Variants in CA8 observed in about 807,000 individuals in gnomAD.
CA8 encodes carbonic anhydrase 8 (inactive).
Under a neutral mutation model 41.4 loss-of-function variants are expected in CA8, and 22 were observed. That is an observed-to-expected ratio of 0.53 (90% CI 0.38 to 0.76). CA8 has a LOEUF of 0.76. CA8 is among the 30% of genes least tolerant of loss of function. CA8 has a pLI of 0.00. For synonymous variants in CA8, 121 were observed against 130.6 expected, an observed-to-expected ratio of 0.93 and a Z score of 0.50; for missense variants, 270 against 352.8, an observed-to-expected ratio of 0.77 and a Z score of 1.88.
At chr8:60,280,920 A>AC in intron 1 of CA8, 128 bp downstream of exon 1, 1 of 720,802 alleles carries the variant, frequency 1.4e-6, no homozygotes, top group South Asian at 1.5e-5. Flanking sequence ...AGTGGCAGAG[A>AC]CCCCCGTGGG....
At chr8:60,215,329 A>C (rs747772011) in intron 7 of CA8, among the ~76,000 whole-genome samples, 25 of 148,788 alleles carry the variant, frequency 1.7e-4, no homozygotes, top group Non-Finnish European at 3.1e-4. Flanking sequence ...CAATGAGTGG[A>C]TAAAAACACT....
chr8:60,234,966 T>C (rs888823596), intron 3 of CA8, among the ~76,000 whole-genome samples: 4 of 152,192 alleles, frequency 2.6e-5, no homozygotes, highest in Admixed American at 6.5e-5. Context: ...ATTCTGGAAC[T>C]TGGCCAACCT....
chr8:60,203,792 G>C (rs1316819968), intron 8 of CA8, among the ~76,000 whole-genome samples: 3 of 151,816 alleles, frequency 2.0e-5, no homozygotes, highest in Non-Finnish European at 2.9e-5. Context: ...TATGTTTTCA[G>C]TTGGAGACTT....
chr8:60,232,260 C>G, intron 4 of CA8, 24 bp downstream of exon 4: 1 of 1,554,000 alleles, frequency 6.4e-7, no homozygotes, highest in South Asian at 1.1e-5. Flanking sequence ...CTAAACAATA[C>G]GATAATCACA....
intron 3 of CA8, among the ~76,000 whole-genome samples, chr8:60,238,164 T>C (rs1000991230): frequency 6.6e-6 from 1 of 152,196 alleles, no homozygotes; most frequent in Admixed American, 6.5e-5. Context: ...AGTTAAGAAA[T>C]TGCGACATGC....
intron 3 of CA8, 165 bp downstream of exon 3, chr8:60,265,760 T>C: frequency 5.5e-6 from 4 of 729,004 alleles, no homozygotes; most frequent in South Asian, 1.8e-5. Flanking sequence ...GGAGGTTTCA[T>C]GTGCTGCCCT....
chr8:60,275,453 T>G (rs1001451988), intron 2 of CA8, among the ~76,000 whole-genome samples: 1 of 150,058 alleles, frequency 6.7e-6, no homozygotes, highest in Non-Finnish European at 1.5e-5. Context: ...AAATACTGGA[T>G]GTTGTATTTT....
intron 7 of CA8, among the ~76,000 whole-genome samples, chr8:60,215,326 T>G (rs1230619804): frequency 1.3e-5 from 2 of 149,320 alleles, no homozygotes; most frequent in Non-Finnish European, 3.0e-5. Context: ...AATCAATGAG[T>G]GGATAAAAAC....
chr8:60,207,747 G>A (rs866102078), intron 8 of CA8, among the ~76,000 whole-genome samples: 7 of 151,980 alleles, frequency 4.6e-5, no homozygotes, highest in South Asian at 2.1e-4. Context: ...AGACTTCTTC[G>A]TTTTTTTGTT....
chr8:60,221,301 T>A (rs1807237602), intron 7 of CA8, among the ~76,000 whole-genome samples: 1 of 152,208 alleles, frequency 6.6e-6, no homozygotes, highest in South Asian at 2.1e-4. Context: ...TGTTAATTAT[T>A]TAGTCATCTG....
intron 8 of CA8, among the ~76,000 whole-genome samples, chr8:60,203,562 T>C (rs1806493904): frequency 6.6e-6 from 1 of 152,206 alleles, no homozygotes; most frequent in Non-Finnish European, 1.5e-5. Context: ...TTAAGATTTT[T>C]AATCATAATG....
intron 7 of CA8, among the ~76,000 whole-genome samples, chr8:60,222,167 C>T (rs1405690776): frequency 1.3e-5 from 2 of 152,128 alleles, no homozygotes; most frequent in Non-Finnish European, 2.9e-5. Flanking sequence ...AGCCCAAGGC[C>T]GGGGGTGGGC....
At chr8:60,247,028 C>T (rs949256978) in intron 3 of CA8, among the ~76,000 whole-genome samples, 5 of 151,574 alleles carry the variant, frequency 3.3e-5, no homozygotes, top group East Asian at 1.9e-4. Flanking sequence ...GGACTACAGG[C>T]GCCCGCCAAT....
rs533761899 is a variant in CA8, at chr8:60,186,283, C to CTAT, written c.*3735_*3737dup. ...CAAAAAGGGAGAAGAGAGTTCAGAG[C>CTAT]TATTTAGTAGTAACTAAATAACTCA... is the stretch of plus-strand genomic sequence containing the variant. On this transcript the variant is annotated 3_prime_UTR_variant, in exon 9 of 9. Transcript: ENST00000317995. 1.5e-3 allele frequency among the ~76,000 whole-genome samples: 224 copies of CTAT among 151,836 alleles called. No homozygotes were observed. Among genetic ancestry groups the CTAT allele is most frequent in the Non-Finnish European group, 2.7e-3 (186 of 67,884 alleles).
At chr8:60,229,160 G>GCT (rs1807549468) in intron 4 of CA8, among the ~76,000 whole-genome samples, 1 of 149,386 alleles carries the variant, frequency 6.7e-6, no homozygotes, top group African/African-American at 2.5e-5. Flanking sequence ...TGAACCACCT[G>GCT]TTTTTTTTTT....
intron 6 of CA8, among the ~76,000 whole-genome samples, chr8:60,223,522 C>A (rs1406060819): frequency 4.6e-5 from 7 of 152,190 alleles, no homozygotes; most frequent in Non-Finnish European, 8.8e-5. Flanking sequence ...TGGCCTCAAG[C>A]AATCCTCTTG....
chr8:60,192,036 C>T (rs60540079), intron 8 of CA8, among the ~76,000 whole-genome samples: 2,720 of 152,110 alleles, frequency 0.018, 76 homozygotes, highest in African/African-American at 0.06. Flanking sequence ...ATCTCCCTCA[C>T]ATGGGGAAAC....
intron 8 of CA8, among the ~76,000 whole-genome samples, chr8:60,206,637 T>C (rs543953143): frequency 1.3e-5 from 2 of 151,902 alleles, no homozygotes; most frequent in East Asian, 3.9e-4. Flanking sequence ...CCTATCCATC[T>C]TCACTGCTGC....
intron 2 of CA8, among the ~76,000 whole-genome samples, chr8:60,276,991 C>T (rs1344228564): frequency 1.3e-5 from 2 of 151,726 alleles, no homozygotes; most frequent in South Asian, 2.1e-4. Flanking sequence ...TGGTGGCGGG[C>T]GCCTGTAATC....
Sources: allele counts gnomAD v4.1 joint callset (sites outside exome capture counted in the v4.1 genomes callset), GRCh38; gene constraint gnomAD v4.1.1; transcripts MANE v1.5; gene names NCBI Gene and HGNC (gene_info 2026-07-23, HGNC 2026-07-21).